Variants in ARHGAP10 observed in about 807,000 individuals in gnomAD.
The protein encoded by ARHGAP10 is Rho GTPase activating protein 10.
ARHGAP10 carries 87 observed loss-of-function variants against 108.6 expected under a neutral mutation model. The observed-to-expected ratio is 0.80, with a 90% CI of 0.67 to 0.96. The LOEUF (loss-of-function observed/expected upper bound fraction) is 0.96. ARHGAP10 is among the 40% of genes least tolerant of loss of function. The pLI is 0.00. For synonymous variants in ARHGAP10, 347 were observed against 341.1 expected (o/e 1.02, Z -0.19); for missense variants, 939 against 954.5 (o/e 0.98, Z 0.21).
chr4:148,065,263 G>C (rs1359646319), intron 22 of ARHGAP10: 1 of 152,184 alleles, frequency 6.6e-6, no homozygotes, highest in Non-Finnish European at 1.5e-5. Flanking sequence ...AACCTTAGCT[G>C]CTTGGAATGG....
At chr4:147,792,005 A>T (rs1219094914) in intron 1 of ARHGAP10, among the ~76,000 whole-genome samples, 1 of 152,182 alleles carries the variant, frequency 6.6e-6, no homozygotes, top group Non-Finnish European at 1.5e-5. Context: ...CGCGTGTATG[A>T]TGTGTATGTG....
intron 5 of ARHGAP10, 25 bp downstream of exon 5, chr4:147,857,679 C>T (rs558219122): frequency 3.6e-5 from 50 of 1,407,026 alleles, no homozygotes; most frequent in Admixed American, 2.1e-4. Flanking sequence ...TTTTCTGTTA[C>T]GTTTTCAAAA....
At chr4:147,799,127 C>T (rs1248793090) in intron 1 of ARHGAP10, among the ~76,000 whole-genome samples, 6 of 151,780 alleles carry the variant, frequency 4.0e-5, no homozygotes, top group Non-Finnish European at 7.4e-5. Flanking sequence ...CTCTGCCTCC[C>T]GGGTTCAAGC....
At chr4:147,934,100 T>G (rs1168818835) in intron 13 of ARHGAP10, among the ~76,000 whole-genome samples, 6 of 152,292 alleles carry the variant, frequency 3.9e-5, no homozygotes, top group African/African-American at 1.4e-4. Flanking sequence ...AAGTCTCAGG[T>G]TCACTGCTGA....
chr4:147,784,801 AATATAATATATTATAAAATATATATTAT>A (rs1730789360), intron 1 of ARHGAP10, among the ~76,000 whole-genome samples: 1 of 10,102 alleles, frequency 9.9e-5, no homozygotes, highest in Non-Finnish European at 2.8e-4. Flanking sequence ...ATATATTATA[AATATAATATATTATAAAATATATATTAT>A]AAATATATTA....
At position 147,943,836 on chromosome 4, in the gene ARHGAP10, A is replaced by G. The variant is rs149620549; in HGVS notation, c.1304-2781A>G. 3.7e-3 allele frequency among the ~76,000 whole-genome samples: 559 copies of G among 152,318 alleles called. 3 individuals carry two copies. The highest frequency in any genetic ancestry group is 0.013 in the African/African-American group (534 of 41,576). ...TCTAAAGGACTGCTAGGGATGATTG[A>G]GCTATTTGAAAACAGTGAAAATTTA... On this transcript the variant is annotated intron_variant, in intron 14 of 22. Transcript: ENST00000336498.
At position 148,005,864 on chromosome 4, in the gene ARHGAP10, G is replaced by C. The variant is rs111445094; in HGVS notation, c.1717-17399G>C. ...AATTGTGAAGCATTTACATGTTGAA[G>C]TTACTTTGGGAATGATTATTTTACT... On this transcript the variant is annotated intron_variant, in intron 18 of 22. Transcript: ENST00000336498. Among the ~76,000 whole-genome samples the C allele has an allele frequency of 3.5e-3, 531 of 152,286 alleles. 3 individuals are homozygous for C. The highest frequency in any genetic ancestry group is 0.012 in the African/African-American group (511 of 41,546).
At chr4:147,758,478 C>G (rs72953487) in intron 1 of ARHGAP10, among the ~76,000 whole-genome samples, 5,102 of 152,066 alleles carry the variant, frequency 0.034, 282 homozygotes, top group African/African-American at 0.12. Context: ...ATTCATCACC[C>G]CAGAAAGAAA....
intron 3 of ARHGAP10, among the ~76,000 whole-genome samples, chr4:147,837,643 G>GTTTTTTGTTTTTTTTTTT (rs1733223538): frequency 1.4e-5 from 1 of 70,220 alleles, no homozygotes; most frequent in Non-Finnish European, 3.0e-5. Context: ...TCTGGTCACT[G>GTTTTTTGTTTTTTTTTTT]TTTTTTTTTT....
intron 3 of ARHGAP10, among the ~76,000 whole-genome samples, chr4:147,835,008 A>G (rs560246641): frequency 3.0e-4 from 45 of 152,164 alleles, no homozygotes; most frequent in African/African-American, 1.1e-3. Context: ...ATTGTCATTC[A>G]TCGGTTGCTA....
At chr4:147,811,783 A>G (rs941284663) in intron 1 of ARHGAP10, among the ~76,000 whole-genome samples, 1 of 152,214 alleles carries the variant, frequency 6.6e-6, no homozygotes, top group Non-Finnish European at 1.5e-5. Flanking sequence ...AGTGCAATTA[A>G]CAAGAGTGAG....
At chr4:147,963,333 C>T (rs1739074058) in intron 16 of ARHGAP10, among the ~76,000 whole-genome samples, 1 of 152,176 alleles carries the variant, frequency 6.6e-6, no homozygotes, top group Non-Finnish European at 1.5e-5. Context: ...ACCCAATCTC[C>T]AAGGGCTCTC....
intron 19 of ARHGAP10, among the ~76,000 whole-genome samples, chr4:148,046,661 C>G (rs1281301295): frequency 6.6e-6 from 1 of 151,964 alleles, no homozygotes; most frequent in African/African-American, 2.4e-5. Flanking sequence ...TGATTTTGAT[C>G]ATTGTGTTTT....
At chr4:147,877,309 A>G (rs1200935000) in intron 8 of ARHGAP10, among the ~76,000 whole-genome samples, 1 of 152,134 alleles carries the variant, frequency 6.6e-6, no homozygotes, top group Non-Finnish European at 1.5e-5. Context: ...CTGGTTCTTT[A>G]AAACACAAAG....
Position 147,784,831 on chromosome 4 carries a change from A to AAAT in ARHGAP10, c.155-37895_155-37894insATA, listed in dbSNP as rs1553949709. 2.6e-4 allele frequency among the ~76,000 whole-genome samples: 14 copies of AAAT among 54,240 alleles called. 2 individuals carry two copies. The highest frequency in any genetic ancestry group is 3.6e-4 in the African/African-American group (4 of 11,196). 35.6% of individuals were successfully genotyped at this position (54,240 alleles called of 152,430 possible). On this transcript the variant is annotated intron_variant, in intron 1 of 22. Transcript: ENST00000336498. Reference sequence around the variant, plus strand: ...AATATATTATAAAATATATATTATAAATATATTATAAAATATATATTATAA... The same window carrying AAAT: ...AATATATTATAAAATATATATTATAAAATATATATTATAAAATATATATTATAA...
chr4:147,757,190 CTTT>C (rs763282506), intron 1 of ARHGAP10, among the ~76,000 whole-genome samples: 1 of 115,628 alleles, frequency 8.6e-6, no homozygotes, highest in Non-Finnish European at 1.8e-5. Flanking sequence ...ACAGTCTAGC[CTTT>C]TTTTTTTTTT....
chr4:148,045,607 G>A (rs1050450178), intron 19 of ARHGAP10, among the ~76,000 whole-genome samples: 1 of 151,782 alleles, frequency 6.6e-6, no homozygotes, highest in African/African-American at 2.4e-5. Flanking sequence ...GCGTGGTGGT[G>A]CATGCCTGTA....
intron 13 of ARHGAP10, among the ~76,000 whole-genome samples, chr4:147,934,925 G>T (rs1260076776): frequency 6.6e-6 from 1 of 152,224 alleles, no homozygotes; most frequent in Non-Finnish European, 1.5e-5. Flanking sequence ...CTGTGGGCTG[G>T]TGTCAAAAAG....
At chr4:147,840,287 C>T (rs543966630) in intron 3 of ARHGAP10, among the ~76,000 whole-genome samples, 1 of 152,180 alleles carries the variant, frequency 6.6e-6, no homozygotes, top group East Asian at 1.9e-4. Flanking sequence ...TGGCTTTGCT[C>T]CCTTTAAGCA....
Sources: gnomAD v4.1 joint callset for allele counts (sites outside exome capture counted in the v4.1 genomes callset) on GRCh38, gnomAD v4.1.1 for gene constraint, MANE v1.5 for transcripts, NCBI Gene and HGNC (gene_info 2026-07-23, HGNC 2026-07-21) for gene names.